The following CAST variants were observed in gnomAD, a reference collection of about 807,000 sequenced individuals.
CAST encodes the protein calpastatin.
A neutral mutation model predicts 119.6 loss-of-function variants in CAST; 76 were observed. The ratio of observed to expected loss-of-function variants is 0.64; its 90% CI spans 0.53 to 0.77. The LOEUF (loss-of-function observed/expected upper bound fraction) is 0.77, where lower values mean the gene tolerates loss of function less well. CAST is among the 30% of genes least tolerant of loss of function. CAST has a pLI of 0.00. For missense variants in CAST, 953 were observed against 946.5 expected (o/e 1.01, Z -0.09); for synonymous variants, 319 against 331.6 (o/e 0.96, Z 0.41).
chr5:96,245,775 A>T, the CAST span, among the ~76,000 whole-genome samples: 1 of 152,316 alleles, frequency 6.6e-6, no homozygotes, highest in Admixed American at 6.5e-5. Flanking sequence ...GGTCTATGTG[A>T]GATTGTATTT....
the CAST span, among the ~76,000 whole-genome samples, chr5:96,214,473 A>G: frequency 2.0e-5 from 3 of 152,228 alleles, no homozygotes; most frequent in Non-Finnish European, 4.4e-5. Flanking sequence ...CTAATACTCC[A>G]TGAAATAAAA....
the CAST span, among the ~76,000 whole-genome samples, chr5:96,272,203 G>A: frequency 6.6e-6 from 1 of 152,096 alleles, no homozygotes; most frequent in Non-Finnish European, 1.5e-5. Flanking sequence ...ACTCTATGGA[G>A]GTTCCTCAAA....
intron 1 of CAST, among the ~76,000 whole-genome samples, chr5:96,558,247 A>G (rs1746283011): frequency 6.6e-6 from 1 of 152,210 alleles, no homozygotes; most frequent in African/African-American, 2.4e-5. Flanking sequence ...CCCACAAGAG[A>G]AAGCAGGAAA....
the CAST span, among the ~76,000 whole-genome samples, chr5:95,963,978 G>A: frequency 1.3e-5 from 2 of 152,192 alleles, no homozygotes; most frequent in East Asian, 3.9e-4. Flanking sequence ...TCAAATATCT[G>A]ACCTGTAGCT....
the CAST span, among the ~76,000 whole-genome samples, chr5:96,048,295 AT>A: frequency 4.6e-5 from 7 of 152,296 alleles, no homozygotes; most frequent in South Asian, 2.1e-4. Flanking sequence ...AATTCTCTGG[AT>A]GAGTTAGAGG....
the CAST span, among the ~76,000 whole-genome samples, chr5:96,197,420 G>A: frequency 1.6e-4 from 24 of 152,276 alleles, no homozygotes; most frequent in African/African-American, 5.8e-4. Flanking sequence ...GGAATACAGA[G>A]ATGAATACAA....
At chr5:96,408,151 G>T in the CAST span, 2 of 1,103,214 alleles carry the variant, frequency 1.8e-6, no homozygotes, top group Non-Finnish European at 1.4e-6. Context: ...CATGTATTCA[G>T]AAAAAAAAGT....
At chr5:96,077,347 A>G in the CAST span, among the ~76,000 whole-genome samples, 13 of 152,144 alleles carry the variant, frequency 8.5e-5, no homozygotes, top group Non-Finnish European at 1.8e-4. Context: ...GCATGACTGT[A>G]TAACTTTCTC....
chr5:96,599,479 T>G (rs1163002867), intron 1 of CAST, among the ~76,000 whole-genome samples: 1 of 152,214 alleles, frequency 6.6e-6, no homozygotes, highest in Non-Finnish European at 1.5e-5. Context: ...TCGGGCTGAC[T>G]TCCTATTCAA....
At chr5:96,409,415 G>A in the CAST span, among the ~76,000 whole-genome samples, 1 of 152,134 alleles carries the variant, frequency 6.6e-6, no homozygotes, top group Non-Finnish European at 1.5e-5. Flanking sequence ...ACCTGTTGAC[G>A]CAAGCAAGCC....
At chr5:96,259,837 T>C in the CAST span, among the ~76,000 whole-genome samples, 1 of 152,000 alleles carries the variant, frequency 6.6e-6, no homozygotes, top group Admixed American at 6.6e-5. Context: ...ACTTTTCAAT[T>C]GAGCGATGAA....
At chr5:96,759,919 A>C (rs1767343776) in intron 24 of CAST, among the ~76,000 whole-genome samples, 1 of 152,062 alleles carries the variant, frequency 6.6e-6, no homozygotes, top group South Asian at 2.1e-4. Flanking sequence ...ATAAATTATT[A>C]GGAAACACTA....
chr5:96,754,000 CAT>C (rs1265045593), intron 20 of CAST, 58 bp from the exon 21 acceptor site: 4 of 920,270 alleles, frequency 4.3e-6, no homozygotes, highest in Admixed American at 3.5e-5. Context: ...GAATTGATAG[CAT>C]ATGTTTTAAA....
chr5:96,336,975 C>A, the CAST span, among the ~76,000 whole-genome samples: 1 of 152,086 alleles, frequency 6.6e-6, no homozygotes, highest in African/African-American at 2.4e-5. Context: ...ATATGGAAGA[C>A]CCTGGGGTAA....
chr5:96,298,625 A>AT, the CAST span, among the ~76,000 whole-genome samples: 11 of 152,258 alleles, frequency 7.2e-5, no homozygotes, highest in Admixed American at 2.0e-4. Flanking sequence ...TATTAGTGTC[A>AT]TTTTTTTAGT....
chr5:96,567,169 A>G (rs1391041731), intron 1 of CAST, among the ~76,000 whole-genome samples: 3 of 152,138 alleles, frequency 2.0e-5, no homozygotes, highest in Admixed American at 6.5e-5. Flanking sequence ...CTGCCAGACA[A>G]ATTTTCTTAG....
chr5:96,646,092 G>T (rs759336771), intron 1 of CAST, among the ~76,000 whole-genome samples: 2 of 151,950 alleles, frequency 1.3e-5, no homozygotes, highest in Non-Finnish European at 2.9e-5. Flanking sequence ...TGTTTTTGTC[G>T]CATTACATTA....
the CAST span, among the ~76,000 whole-genome samples, chr5:96,028,207 T>C: frequency 1.3e-5 from 2 of 151,874 alleles, no homozygotes; most frequent in Non-Finnish European, 2.9e-5. Flanking sequence ...ACACAAAAAA[T>C]TACAGATATA....
chr5:96,756,080 T>C (rs935004737), intron 22 of CAST, among the ~76,000 whole-genome samples: 1 of 152,236 alleles, frequency 6.6e-6, no homozygotes, highest in Non-Finnish European at 1.5e-5. Context: ...TCACACGTTA[T>C]TAGTTACCTA....
Sources: gnomAD v4.1 joint callset for allele counts (sites outside exome capture counted in the v4.1 genomes callset) on GRCh38, gnomAD v4.1.1 for gene constraint, MANE v1.5 for transcripts, NCBI Gene and HGNC (gene_info 2026-07-23, HGNC 2026-07-21) for gene names.